The following DGKI variants were observed in gnomAD, a reference collection of about 807,000 sequenced individuals.
The protein encoded by DGKI is diacylglycerol kinase iota.
A neutral mutation model predicts 147.5 loss-of-function variants in DGKI; 55 were observed. That is an observed-to-expected ratio of 0.37 (90% CI 0.30 to 0.47). The LOEUF is 0.47. DGKI is among the 20% of genes least tolerant of loss of function. The pLI, the probability that DGKI is intolerant of heterozygous loss-of-function variation, is 1.00. For synonymous variants in DGKI, 469 were observed against 477.1 expected (o/e 0.98, Z 0.22); for missense variants, 1,007 against 1,323.8 (o/e 0.76, Z 3.71).
chr7:137,666,352 A>G (rs1007660174), intron 3 of DGKI, among the ~76,000 whole-genome samples: 7 of 152,236 alleles, frequency 4.6e-5, no homozygotes, highest in African/African-American at 1.7e-4. Context: ...GCAGTGAGCC[A>G]GGATCACATC....
In DGKI at chr7:137,662,433, C is replaced by T. The variant is rs144028932; in HGVS notation, c.607-5893G>A. ...TAATTTTTTGTATTTTTAGTAGAGA[C>T]GGGGTTTCACTGTGTTAGCCGGGAT... is the stretch of plus-strand genomic sequence containing the variant. On this transcript the variant is annotated intron_variant, in intron 3 of 32. Coordinates refer to ENST00000614521, the MANE Select transcript of DGKI (RefSeq NM_001321708.2). Among the ~76,000 whole-genome samples, 604 of 152,072 alleles carry T rather than the reference C, an allele frequency of 4.0e-3. 9 individuals are homozygous for T. The highest frequency in any genetic ancestry group is 0.014 in the African/African-American group (564 of 41,502).
intron 26 of DGKI, among the ~76,000 whole-genome samples, chr7:137,465,703 G>C (rs1305834798): frequency 6.6e-6 from 1 of 152,068 alleles, no homozygotes; most frequent in Admixed American, 6.6e-5. Context: ...GGGGAAAGAG[G>C]CTTGGACATG....
chr7:137,570,781 G>T (rs574938971), intron 19 of DGKI, among the ~76,000 whole-genome samples: 61 of 152,116 alleles, frequency 4.0e-4, no homozygotes, highest in African/African-American at 1.4e-3. Flanking sequence ...GTAGAGGCAG[G>T]TTTCACCATG....
At chr7:137,629,732 T>C (rs1821065616) in intron 6 of DGKI, among the ~76,000 whole-genome samples, 1 of 152,216 alleles carries the variant, frequency 6.6e-6, no homozygotes, top group African/African-American at 2.4e-5. Context: ...CCCTAATACA[T>C]ACACAAATTA....
In DGKI at chr7:137,846,875, C is replaced by A. The variant is rs1231815349; in HGVS notation, c.-13G>T. 4.1e-5 allele frequency: 47 copies of A among 1,160,074 alleles called. No individual in the cohort carries two copies. Among genetic ancestry groups the A allele is most frequent in the Non-Finnish European group, 5.0e-5 (47 of 940,786 alleles). 71.9% of individuals were successfully genotyped at this position (1,160,074 alleles called of 1,614,324 possible). ...CCGCAGCATCCATCCGCGGCTGCAC[C>A]GCACCGGGGCATTGTGGGAAACTCC... On this transcript the variant is annotated 5_prime_UTR_variant, in exon 1 of 33. Transcript: ENST00000614521. This position sits in a 1 kb window ranked among gnomAD's most constrained non-coding sequence, Gnocchi z 4.0.
At position 137,458,381 on chromosome 7, in the gene DGKI, T is replaced by C. The variant is rs113614360; in HGVS notation, c.2735+5108A>G. The stretch of plus-strand genomic sequence containing the variant: ...GTGGTTCACTACACTGTTTCCCCTG[T>C]GTCTTAGTCTAGTGGCAAGATATTA... On this transcript the variant is annotated intron_variant, in intron 27 of 32. Transcript: ENST00000614521. Among the ~76,000 whole-genome samples the C allele has an allele frequency of 7.5e-4, 115 of 152,334 alleles. 1 individual carries two copies. The highest frequency in any genetic ancestry group is 2.0e-3 in the African/African-American group (82 of 41,584).
intron 21 of DGKI, among the ~76,000 whole-genome samples, chr7:137,491,155 C>T (rs917748465): frequency 6.6e-6 from 1 of 152,176 alleles, no homozygotes; most frequent in Non-Finnish European, 1.5e-5. Flanking sequence ...CCTCAAAAGG[C>T]TTGCAAACTG....
intron 19 of DGKI, among the ~76,000 whole-genome samples, chr7:137,561,541 G>A (rs1366385698): frequency 4.6e-5 from 7 of 152,176 alleles, no homozygotes; most frequent in African/African-American, 1.7e-4. Flanking sequence ...GTAATATCTA[G>A]TTTCAAAAAA....
At chr7:137,570,202 A>G (rs994661082) in intron 19 of DGKI, among the ~76,000 whole-genome samples, 2 of 152,082 alleles carry the variant, frequency 1.3e-5, no homozygotes, top group African/African-American at 4.8e-5. Context: ...TGCATTACAA[A>G]CTCAGTGTGG....
chr7:137,731,018 G>T (rs1036137923), intron 1 of DGKI, among the ~76,000 whole-genome samples: 9 of 152,028 alleles, frequency 5.9e-5, no homozygotes, highest in African/African-American at 2.2e-4. Flanking sequence ...AAGCTCTAAA[G>T]AATCCTACTA....
At chr7:137,593,279 C>T (rs943774266) in intron 12 of DGKI, among the ~76,000 whole-genome samples, 7 of 152,102 alleles carry the variant, frequency 4.6e-5, no homozygotes, top group Non-Finnish European at 8.8e-5. Flanking sequence ...AATGAGAGTA[C>T]GTGAGCCTCA....
chr7:137,645,828 A>G (rs940563782), intron 5 of DGKI, among the ~76,000 whole-genome samples: 1 of 152,226 alleles, frequency 6.6e-6, no homozygotes, highest in Non-Finnish European at 1.5e-5. Context: ...TGAGCCCAGA[A>G]ACAAATATTT....
chr7:137,502,616 C>T (rs1816218054), intron 21 of DGKI, among the ~76,000 whole-genome samples: 1 of 151,998 alleles, frequency 6.6e-6, no homozygotes, highest in Non-Finnish European at 1.5e-5. Context: ...AATAATATAC[C>T]AGTTTTACTG....
chr7:137,610,878 G>T (rs868253408), intron 8 of DGKI, among the ~76,000 whole-genome samples: 1 of 152,128 alleles, frequency 6.6e-6, no homozygotes, highest in African/African-American at 2.4e-5. Context: ...CACCGGGGAT[G>T]AGGGAAATTT....
At chr7:137,467,564 A>G (rs944793857) in intron 24 of DGKI, among the ~76,000 whole-genome samples, 2 of 152,242 alleles carry the variant, frequency 1.3e-5, no homozygotes, top group Non-Finnish European at 2.9e-5. Context: ...TTCAACCTGC[A>G]TCCTTAGAGT....
intron 20 of DGKI, among the ~76,000 whole-genome samples, chr7:137,528,206 T>C (rs1817219176): frequency 6.6e-6 from 1 of 152,230 alleles, no homozygotes; most frequent in Non-Finnish European, 1.5e-5. Context: ...CATCCATTTC[T>C]GTTCTTTGAC....
intron 29 of DGKI, 136 bp from the exon 30 acceptor site, chr7:137,408,131 G>C (rs915110312): frequency 9.9e-7 from 1 of 1,014,976 alleles, no homozygotes; most frequent in Non-Finnish European, 1.4e-6. Context: ...AAGTCAAAAA[G>C]GTGAAGTAAC....
intron 1 of DGKI, among the ~76,000 whole-genome samples, chr7:137,752,721 AC>A (rs895063742): frequency 6.6e-6 from 1 of 151,776 alleles, no homozygotes; most frequent in Non-Finnish European, 1.5e-5. Context: ...TCTCACATGG[AC>A]CCCCTTAGAG....
intron 1 of DGKI, among the ~76,000 whole-genome samples, 157 bp from the exon 2 acceptor site, chr7:137,690,159 A>T (rs772421674): frequency 2.0e-5 from 3 of 152,194 alleles, no homozygotes; most frequent in Non-Finnish European, 4.4e-5. Flanking sequence ...ACCTCTCTAA[A>T]GTGCATGGTG....
Sources: gnomAD v4.1 joint callset for allele counts (sites outside exome capture counted in the v4.1 genomes callset) on GRCh38, gnomAD v4.1.1 for gene constraint, Gnocchi (gnomAD v3.1) non-coding constraint, MANE v1.5 for transcripts, NCBI Gene and HGNC (gene_info 2026-07-23, HGNC 2026-07-21) for gene names.